The following CAMTA1 variants were observed in gnomAD, a reference collection of about 807,000 sequenced individuals.
CAMTA1 encodes the protein calmodulin-binding transcription activator 1.
A neutral mutation model predicts 170.9 loss-of-function variants in CAMTA1; 27 were observed. The observed-to-expected ratio is 0.16, with a 90% confidence interval of 0.12 to 0.22. CAMTA1 has a LOEUF of 0.22. Among genes scored for constraint, CAMTA1 ranks in the 10% least tolerant of loss-of-function variants. The pLI is 1.00. For synonymous variants in CAMTA1, 833 were observed against 891.5 expected (o/e 0.93, Z 1.17); for missense variants, 1,619 against 2,217.2 (o/e 0.73, Z 5.42).
At chr1:7,447,091 A>C (rs1251423008) in intron 5 of CAMTA1, among the ~76,000 whole-genome samples, 2 of 152,116 alleles carry the variant, frequency 1.3e-5, no homozygotes, top group African/African-American at 2.4e-5. Flanking sequence ...GCCTGCACCT[A>C]GTAGATGCCA....
At chr1:7,661,659 C>T (rs1440954139) in intron 7 of CAMTA1, 67 bp from the exon 8 acceptor site, 12 of 1,581,592 alleles carry the variant, frequency 7.6e-6, no homozygotes, top group Middle Eastern at 1.7e-4. Context: ...GGTCCTACCC[C>T]TTGGCCCCAC....
intron 3 of CAMTA1, among the ~76,000 whole-genome samples, chr1:6,930,000 C>A (rs368440377): frequency 1.3e-5 from 2 of 152,178 alleles, no homozygotes; most frequent in African/African-American, 4.8e-5. Context: ...GTCCCCTACA[C>A]CAGGCTGTAA....
intron 11 of CAMTA1, among the ~76,000 whole-genome samples, chr1:7,678,350 A>G (rs1486699506): frequency 6.6e-6 from 1 of 152,222 alleles, no homozygotes; most frequent in Non-Finnish European, 1.5e-5. Flanking sequence ...GTCTGTGGCA[A>G]GCCCAGGATC....
chr1:6,880,574 G>A (rs1671283099), intron 3 of CAMTA1, among the ~76,000 whole-genome samples: 1 of 151,924 alleles, frequency 6.6e-6, no homozygotes, highest in African/African-American at 2.4e-5. Flanking sequence ...TGTTTTTGTA[G>A]AGACAGGGTT....
At chr1:7,242,436 A>G (rs912953374) in intron 4 of CAMTA1, among the ~76,000 whole-genome samples, 5 of 152,204 alleles carry the variant, frequency 3.3e-5, no homozygotes, top group African/African-American at 9.6e-5. Context: ...TGGGTTTTCA[A>G]TCATGGTTAA....
In CAMTA1 at chr1:7,562,499, C is replaced by T. The variant is rs1460385648; in HGVS notation, c.511-77901C>T. 6.6e-6 allele frequency among the ~76,000 whole-genome samples: 1 copy of T among 152,140 alleles called. No individual in the cohort carries two copies. The highest frequency in any genetic ancestry group is 2.4e-5 in the African/African-American group (1 of 41,410). On this transcript the variant is annotated intron_variant, in intron 6 of 22. Coordinates refer to ENST00000303635, the MANE Select transcript of CAMTA1 (RefSeq NM_015215.4). The surrounding 1 kb of genome is among the most constrained non-coding windows in gnomAD (Gnocchi z 4.8). The stretch of plus-strand genomic sequence containing the variant: ...GGCTGGCAGACGGCTCTGCCCACTC[C>T]CGCCCGCCTGCGACACCTGTCCTGC...
intron 6 of CAMTA1, among the ~76,000 whole-genome samples, chr1:7,499,528 AGTGTGTGT>A (rs144491150): frequency 9.8e-5 from 5 of 50,786 alleles, no homozygotes; most frequent in African/African-American, 4.5e-4. Context: ...TATGTATATG[AGTGTGTGT>A]GTGTGCATGT....
chr1:7,158,153 T>C (rs889486571), intron 4 of CAMTA1, among the ~76,000 whole-genome samples: 1 of 152,098 alleles, frequency 6.6e-6, no homozygotes, highest in Non-Finnish European at 1.5e-5. Flanking sequence ...AGCGAGACTC[T>C]GTCTCAAAAA....
At chr1:7,124,434 C>A (rs1003113442) in intron 4 of CAMTA1, among the ~76,000 whole-genome samples, 5 of 152,218 alleles carry the variant, frequency 3.3e-5, no homozygotes, top group African/African-American at 1.2e-4. Context: ...TGCTTTTCTC[C>A]ACATTTGCAA....
intron 4 of CAMTA1, among the ~76,000 whole-genome samples, chr1:7,137,146 T>G (rs899351098): frequency 1.3e-5 from 2 of 151,838 alleles, no homozygotes; most frequent in South Asian, 4.2e-4. Flanking sequence ...CATCGTTTAT[T>G]GTATTTTTTC....
At position 7,681,354 on chromosome 1, in the gene CAMTA1, T is replaced by G. The variant is rs2149317672; in HGVS notation, c.2914+3621T>G. Among the ~76,000 whole-genome samples the G allele has an allele frequency of 6.6e-6, 1 of 152,262 alleles. No individual in the cohort carries two copies. The highest frequency in any genetic ancestry group is 1.5e-5 in the Non-Finnish European group (1 of 68,012). ...TTCACAGAGGAAACGACCCCCTTGG[T>G]GAGACCTGAAGCCTGAGCAGGGTTA... On this transcript the variant is annotated intron_variant, in intron 11 of 22. Coordinates refer to ENST00000303635, the MANE Select transcript of CAMTA1 (RefSeq NM_015215.4). The surrounding 1 kb of genome is among the most constrained non-coding windows in gnomAD (Gnocchi z 4.6).
chr1:7,598,485 G>T (rs1396993308), intron 6 of CAMTA1, among the ~76,000 whole-genome samples: 3 of 152,178 alleles, frequency 2.0e-5, no homozygotes, highest in Non-Finnish European at 4.4e-5. Context: ...GGTATTTCTA[G>T]TTCTAGATCC....
chr1:7,376,040 G>A (rs752653156), intron 5 of CAMTA1, among the ~76,000 whole-genome samples: 4 of 152,186 alleles, frequency 2.6e-5, no homozygotes, highest in Non-Finnish European at 5.9e-5. Context: ...AAGAGCCCCT[G>A]AGTCCTCAGT....
At chr1:7,090,900 T>A (rs1326492470) in intron 3 of CAMTA1, among the ~76,000 whole-genome samples, 1 of 152,236 alleles carries the variant, frequency 6.6e-6, no homozygotes, top group African/African-American at 2.4e-5. Flanking sequence ...GTGACAGAGA[T>A]GAAAGATTCG....
intron 5 of CAMTA1, among the ~76,000 whole-genome samples, chr1:7,401,311 A>G (rs1013062710): frequency 1.3e-5 from 2 of 152,184 alleles, no homozygotes; most frequent in Non-Finnish European, 2.9e-5. Context: ...TTGAAAATCA[A>G]TTGGTCATAT....
At chr1:7,606,358 T>G (rs2095486600) in intron 6 of CAMTA1, among the ~76,000 whole-genome samples, 1 of 152,162 alleles carries the variant, frequency 6.6e-6, no homozygotes, top group Non-Finnish European at 1.5e-5. Flanking sequence ...ATGGCACTTG[T>G]TGGGCAGCAA....
Position 7,534,354 on chromosome 1 carries a change from A to T in CAMTA1, c.510+66453A>T, listed in dbSNP as rs1370571450. Among the ~76,000 whole-genome samples, 1 of 152,170 alleles carries T rather than the reference A, an allele frequency of 6.6e-6. No individual in the cohort carries two copies. Among genetic ancestry groups the T allele is most frequent in the Non-Finnish European group, 1.5e-5 (1 of 68,010 alleles). Reference sequence around the variant, plus strand: ...AAGCATCCATTCTAGAAAGGGAGGAATTAAATCTTCCTGACACCCCGGGGC... The same window carrying T: ...AAGCATCCATTCTAGAAAGGGAGGATTTAAATCTTCCTGACACCCCGGGGC... On this transcript the variant is annotated intron_variant, in intron 6 of 22. Transcript: ENST00000303635. This position sits in a 1 kb window ranked among gnomAD's most constrained non-coding sequence, Gnocchi z 5.6.
intron 3 of CAMTA1, among the ~76,000 whole-genome samples, chr1:7,024,028 CAAAAAAAAAAA>C (rs35095557): frequency 1.0e-5 from 1 of 96,140 alleles, no homozygotes; most frequent in Non-Finnish European, 2.1e-5. Context: ...GACTCTGTCT[CAAAAAAAAAAA>C]AAAAAAGAAA....
chr1:7,467,289 C>A (rs760285978), intron 5 of CAMTA1, among the ~76,000 whole-genome samples: 18 of 152,162 alleles, frequency 1.2e-4, no homozygotes, highest in Non-Finnish European at 2.5e-4. Flanking sequence ...CAGGGATGCA[C>A]AAGAGGCCCC....
Sources: allele counts gnomAD v4.1 joint callset (sites outside exome capture counted in the v4.1 genomes callset), GRCh38; gene constraint gnomAD v4.1.1; non-coding constraint Gnocchi (gnomAD v3.1); transcripts MANE v1.5; gene names NCBI Gene and HGNC (gene_info 2026-07-23, HGNC 2026-07-21).